Variants in TENM4 observed in about 807,000 individuals in gnomAD.
The protein encoded by TENM4 is teneurin-4.
TENM4 carries 82 observed loss-of-function variants against 243.3 expected under a neutral mutation model. The ratio of observed to expected loss-of-function variants is 0.34; its 90% confidence interval spans 0.28 to 0.40. TENM4 has a LOEUF of 0.40. Among genes scored for constraint, TENM4 ranks in the 10% least tolerant of loss-of-function variants. The pLI is 1.00. For missense variants in TENM4, 3,138 were observed against 3,673.3 expected, an observed-to-expected ratio of 0.85 and a Z score of 3.77; for synonymous variants, 1,412 against 1,456.3, an observed-to-expected ratio of 0.97 and a Z score of 0.69.
At chr11:78,937,145 G>C (rs1856803768) in intron 6 of TENM4, among the ~76,000 whole-genome samples, 1 of 152,132 alleles carries the variant, frequency 6.6e-6, no homozygotes, top group Non-Finnish European at 1.5e-5. Context: ...CTGTGCATGG[G>C]GAAGGGCAGT....
At chr11:79,341,216 A>T (rs1293903170) in intron 1 of TENM4, among the ~76,000 whole-genome samples, 1 of 152,070 alleles carries the variant, frequency 6.6e-6, no homozygotes, top group Non-Finnish European at 1.5e-5. Context: ...AAGAGAATAA[A>T]CCTGTGTAGT....
At chr11:78,944,093 A>C (rs1856961462) in intron 6 of TENM4, among the ~76,000 whole-genome samples, 1 of 152,222 alleles carries the variant, frequency 6.6e-6, no homozygotes. Context: ...AGAGATAAGC[A>C]AAGTGAGGGC....
At chr11:78,822,652 G>C (rs1480046669) in intron 12 of TENM4, among the ~76,000 whole-genome samples, 1 of 152,022 alleles carries the variant, frequency 6.6e-6, no homozygotes, top group African/African-American at 2.4e-5. Flanking sequence ...GTTGATAGGC[G>C]CAGCAAACCA....
intron 6 of TENM4, among the ~76,000 whole-genome samples, chr11:79,009,677 C>T (rs577952619): frequency 6.6e-5 from 10 of 152,204 alleles, no homozygotes; most frequent in South Asian, 4.2e-4. Context: ...CTCCATTTTG[C>T]GGATGAGGAA....
At position 78,732,477 on chromosome 11, in the gene TENM4, A is replaced by T; in HGVS notation, c.2977T>A (p.Phe993Ile). 6.2e-7 allele frequency: 1 copy of T among 1,613,826 alleles called. No homozygotes were observed. Among genetic ancestry groups the T allele is most frequent in the Non-Finnish European group, 8.5e-7 (1 of 1,179,838 alleles). The change falls in exon 21 of 34, where the codon TTC becomes ATC. Residue 993 changes from phenylalanine (F) to isoleucine (I), a missense_variant. Physicochemically the swap from Phe to Ile is conservative, Grantham distance 21 (BLOSUM62 0). Transcript: ENST00000278550. ...ATGATGATGGTTTCCATGACAAAGA[A>T]GCGATCCCATGGCAGCCACAGGGTG... ...EHTLWLPWDR[F>I]FVMETIIMRH...
chr11:78,883,195 A>G (rs1332435559), intron 9 of TENM4, among the ~76,000 whole-genome samples: 1 of 152,246 alleles, frequency 6.6e-6, no homozygotes, highest in Non-Finnish European at 1.5e-5. Context: ...GTGTTTTTCA[A>G]CATCATCTCA....
At chr11:79,037,015 CAAAAAAAAAAAAAAAAAAAAA>C (rs369421583) in intron 6 of TENM4, among the ~76,000 whole-genome samples, 15,080 of 92,276 alleles carry the variant, frequency 0.16, 2,185 homozygotes, top group African/African-American at 0.43. Context: ...GACTCCATCT[CAAAAAAAAAAAAAAAAAAAAA>C]AAAAAAAAAG....
chr11:79,399,414 C>T (rs1202216748), intron 1 of TENM4, among the ~76,000 whole-genome samples: 1 of 152,140 alleles, frequency 6.6e-6, no homozygotes, highest in Non-Finnish European at 1.5e-5. Flanking sequence ...GTGGTCCCTG[C>T]TACCATAGCC....
chr11:78,827,785 G>A lies in TENM4; in HGVS notation c.1682-13390C>T, dbSNP rs189646576. Among the ~76,000 whole-genome samples the A allele has an allele frequency of 2.6e-5, 4 of 152,226 alleles. No homozygotes were observed. The East Asian group carries it at 5.8e-4, about 22-fold the overall frequency. On this transcript the variant is annotated intron_variant, in intron 12 of 33. Coordinates refer to ENST00000278550, the MANE Select transcript of TENM4 (RefSeq NM_001098816.3). Reference sequence around the variant, plus strand: ...ATTACAGGCGTGAGCCACTGCGCCCGGCCAAAGCCCAGTTTAAATATTACC... The same window carrying A: ...ATTACAGGCGTGAGCCACTGCGCCCAGCCAAAGCCCAGTTTAAATATTACC...
chr11:79,251,499 GA>G, intron 2 of TENM4, among the ~76,000 whole-genome samples: 1 of 152,304 alleles, frequency 6.6e-6, no homozygotes, highest in Non-Finnish European at 1.5e-5. Context: ...AATCAGGCAC[GA>G]AATAGCTCTT....
chr11:79,067,818 C>A (rs2136997080), intron 5 of TENM4: 1 of 152,322 alleles, frequency 6.6e-6, no homozygotes, highest in South Asian at 2.1e-4. Flanking sequence ...GAGTTGACAT[C>A]CCATCTCACT....
intron 1 of TENM4, among the ~76,000 whole-genome samples, chr11:79,352,280 G>C (rs966053967): frequency 6.6e-6 from 1 of 152,208 alleles, no homozygotes; most frequent in Non-Finnish European, 1.5e-5. Flanking sequence ...GGGTGACCCT[G>C]ACTGCCAGCC....
chr11:78,874,368 A>G (rs1437648562), intron 9 of TENM4, among the ~76,000 whole-genome samples: 1 of 152,190 alleles, frequency 6.6e-6, no homozygotes, highest in East Asian at 1.9e-4. Context: ...AGGCATTATT[A>G]TAATATTGCT....
chr11:79,332,842 C>T (rs1857083897), intron 1 of TENM4, among the ~76,000 whole-genome samples: 1 of 152,146 alleles, frequency 6.6e-6, no homozygotes, highest in South Asian at 2.1e-4. Flanking sequence ...CCAGGGATCT[C>T]ACTCCTATGA....
intron 6 of TENM4, among the ~76,000 whole-genome samples, chr11:78,910,668 T>G (rs1407719178): frequency 2.0e-5 from 3 of 152,200 alleles, no homozygotes; most frequent in African/African-American, 7.2e-5. Context: ...GAGAAAACAA[T>G]CAGTATTATT....
intron 12 of TENM4, among the ~76,000 whole-genome samples, chr11:78,815,283 G>A (rs1467983507): frequency 6.6e-6 from 1 of 152,172 alleles, no homozygotes; most frequent in Non-Finnish European, 1.5e-5. Flanking sequence ...CTACTCAGGA[G>A]GATGAGGTGG....
chr11:79,178,090 G>A (rs1386778434), intron 3 of TENM4, among the ~76,000 whole-genome samples: 1 of 152,164 alleles, frequency 6.6e-6, no homozygotes, highest in East Asian at 1.9e-4. Context: ...ACTTTTGAAG[G>A]CAGAACTGAA....
chr11:79,374,731 G>C (rs1857856869), intron 1 of TENM4, among the ~76,000 whole-genome samples: 1 of 151,710 alleles, frequency 6.6e-6, no homozygotes, highest in Admixed American at 6.6e-5. Flanking sequence ...CTTTACTCTT[G>C]GTAGTTTAAG....
chr11:79,284,759 A>AG (rs1309573456), intron 2 of TENM4, among the ~76,000 whole-genome samples: 4 of 152,258 alleles, frequency 2.6e-5, no homozygotes, highest in Admixed American at 2.6e-4. Context: ...GAGAGTAAAA[A>AG]GATAACTCAC....
Sources: gnomAD v4.1 joint callset for allele counts (sites outside exome capture counted in the v4.1 genomes callset) on GRCh38, gnomAD v4.1.1 for gene constraint, MANE v1.5 for transcripts, NCBI Gene and HGNC (gene_info 2026-07-23, HGNC 2026-07-21) for gene names.